Variants in KPNA3 observed in about 807,000 individuals in gnomAD.
KPNA3 encodes importin subunit alpha-4.
KPNA3 carries 13 observed loss-of-function variants against 73.8 expected under a neutral mutation model. The observed-to-expected ratio is 0.18, with a 90% CI of 0.11 to 0.28. KPNA3 has a LOEUF of 0.28. Among genes scored for constraint, KPNA3 ranks in the 10% least tolerant of loss-of-function variants. The pLI, the probability that KPNA3 is intolerant of heterozygous loss-of-function variation, is 1.00. For synonymous variants in KPNA3, 186 were observed against 206.9 expected, an observed-to-expected ratio of 0.90 and a Z score of 0.87; for missense variants, 360 against 618.1, an observed-to-expected ratio of 0.58 and a Z score of 4.43.
intron 2 of KPNA3, among the ~76,000 whole-genome samples, chr13:49,741,077 C>T (rs769672977): frequency 3.9e-5 from 6 of 152,136 alleles, no homozygotes; most frequent in Non-Finnish European, 7.3e-5. Flanking sequence ...TTCCTTATCT[C>T]GGGTATTGTG....
intron 2 of KPNA3, among the ~76,000 whole-genome samples, chr13:49,740,378 C>A (rs542955532): frequency 2.8e-4 from 42 of 152,178 alleles, no homozygotes; most frequent in African/African-American, 1.0e-3. Flanking sequence ...TAGTTCATAA[C>A]CATGTGATAT....
At chr13:49,744,704 C>T (rs1954601866) in intron 2 of KPNA3, among the ~76,000 whole-genome samples, 1 of 152,056 alleles carries the variant, frequency 6.6e-6, no homozygotes, top group Non-Finnish European at 1.5e-5. Context: ...AACTCTTGAC[C>T]TCAGGTGAAT....
At chr13:49,773,850 A>G (rs1815561151) in intron 1 of KPNA3, among the ~76,000 whole-genome samples, 1 of 152,204 alleles carries the variant, frequency 6.6e-6, no homozygotes, top group African/African-American at 2.4e-5. Flanking sequence ...TCACCAAAAG[A>G]AAAAAGAAAG....
Position 49,747,012 on chromosome 13 carries a change from G to C in KPNA3, c.70-19C>G. ...GCATTGTCTAGAAAAGAAAAACAAAGATTACAGATGTATCAAAATACGGAC... is the reference window on the plus strand; with the variant it reads ...GCATTGTCTAGAAAAGAAAAACAAACATTACAGATGTATCAAAATACGGAC... On this transcript the variant is annotated intron_variant, in intron 1 of 16. Transcript: ENST00000261667. 1 of 1,580,748 alleles carries C rather than the reference G, an allele frequency of 6.3e-7. No homozygotes were observed. Among genetic ancestry groups the C allele is most frequent in the Non-Finnish European group, 8.7e-7 (1 of 1,151,912 alleles).
rs1460697236 is a variant in KPNA3 at position 49,792,459 on chromosome 13, C to T, written c.48G>A (p.Lys16=). Residue 16 remains lysine (K), a synonymous_variant, in exon 1 of 17, where the codon AAG becomes AAA. Coordinates refer to ENST00000261667, the MANE Select transcript of KPNA3 (RefSeq NM_002267.4). Reference sequence around the variant, plus strand: ...TCACTTCCACATCGCGGCCCTTGTTCTTGAAGCTCTTGATGCGGTGGTTCT... The same window carrying T: ...TCACTTCCACATCGCGGCCCTTGTTTTTGAAGCTCTTGATGCGGTGGTTCT... The part of the protein sequence containing the change: ...SLENHRIKSF[K]NKGRDVETMR... 1.3e-6 allele frequency: 2 copies of T among 1,582,236 alleles called. No homozygotes were observed. Among genetic ancestry groups the T allele is most frequent in the African/African-American group, 1.4e-5 (1 of 71,100 alleles).
At chr13:49,701,933 A>C in intron 16 of KPNA3, 35 bp from the exon 17 acceptor site, 1 of 1,359,886 alleles carries the variant, frequency 7.4e-7, no homozygotes, top group South Asian at 1.2e-5. Context: ...TTATTAGGTT[A>C]TGATACTATA....
intron 2 of KPNA3, among the ~76,000 whole-genome samples, chr13:49,745,744 A>G (rs1954610975): frequency 2.0e-5 from 3 of 151,916 alleles, no homozygotes; most frequent in South Asian, 2.1e-4. Context: ...AAGATCTGAA[A>G]TAAGTTTTAA....
intron 1 of KPNA3, among the ~76,000 whole-genome samples, chr13:49,759,225 T>C (rs1292420355): frequency 6.6e-6 from 1 of 152,238 alleles, no homozygotes; most frequent in African/African-American, 2.4e-5. Context: ...TTTTGAAAAC[T>C]GATAAAGGAA....
At chr13:49,704,036 A>T (rs1405470140) in intron 15 of KPNA3, among the ~76,000 whole-genome samples, 1 of 152,206 alleles carries the variant, frequency 6.6e-6, no homozygotes, top group Non-Finnish European at 1.5e-5. Flanking sequence ...CTTAATAGTA[A>T]GAAGATCTGG....
intron 1 of KPNA3, among the ~76,000 whole-genome samples, chr13:49,784,786 A>G (rs1003483854): frequency 6.6e-6 from 1 of 152,232 alleles, no homozygotes; most frequent in African/African-American, 2.4e-5. Flanking sequence ...TTATTCAAGG[A>G]ATATTTTAGT....
At chr13:49,716,385 AT>A (rs1449631451) in intron 10 of KPNA3, among the ~76,000 whole-genome samples, 1 of 151,990 alleles carries the variant, frequency 6.6e-6, no homozygotes, top group African/African-American at 2.4e-5. Flanking sequence ...TCTCTGCCTT[AT>A]TTTTTCCCCA....
At chr13:49,709,408 A>AC (rs1394481496) in intron 12 of KPNA3, among the ~76,000 whole-genome samples, 164 bp downstream of exon 12, 1 of 152,042 alleles carries the variant, frequency 6.6e-6, no homozygotes, top group African/African-American at 2.4e-5. Context: ...CAAAAAAAAA[A>AC]AAAAAAAAGT....
intron 1 of KPNA3, among the ~76,000 whole-genome samples, chr13:49,772,496 AT>A (rs1382233942): frequency 6.6e-6 from 1 of 152,176 alleles, no homozygotes; most frequent in Non-Finnish European, 1.5e-5. Flanking sequence ...TTGGAAAAGA[AT>A]TTCAAAGTTT....
chr13:49,715,118 A>G (rs1221815603), intron 10 of KPNA3, among the ~76,000 whole-genome samples: 5 of 152,090 alleles, frequency 3.3e-5, no homozygotes, highest in Middle Eastern at 3.2e-3. Context: ...GAATGTATAG[A>G]TATTTCTCTA....
At chr13:49,754,166 T>TGCA (rs914442543) in intron 1 of KPNA3, among the ~76,000 whole-genome samples, 60 of 152,134 alleles carry the variant, frequency 3.9e-4, no homozygotes, top group African/African-American at 1.4e-3. Flanking sequence ...GTGTGGTGGT[T>TGCA]GCACCTGTAA....
At chr13:49,719,938 T>A in intron 9 of KPNA3, 119 bp from the exon 10 acceptor site, 2 of 641,984 alleles carry the variant, frequency 3.1e-6, no homozygotes, top group Non-Finnish European at 5.3e-6. Context: ...CAATGTTAAA[T>A]TTGTCTGAAT....
At position 49,719,861 on chromosome 13, in the gene KPNA3, A is replaced by G. The variant is rs780387365; in HGVS notation, c.727-42T>C. 4.7e-6 allele frequency: 6 copies of G among 1,281,302 alleles called. No individual in the cohort carries two copies. In the South Asian group the frequency reaches 4.9e-5, roughly 11 times the overall value. The allele number at this position is 1,281,302 out of a possible 1,614,324, so 79.4% of individuals were successfully genotyped here. The stretch of plus-strand genomic sequence containing the variant: ...AACAATACTTAACATTAGTTAATTA[A>G]TATGTCTGTAAAAATGAACAACTTT... On this transcript the variant is annotated intron_variant, in intron 9 of 16. Transcript: ENST00000261667.
chr13:49,718,134 G>A (rs1954322460), intron 10 of KPNA3, among the ~76,000 whole-genome samples: 4 of 152,016 alleles, frequency 2.6e-5, no homozygotes, highest in Admixed American at 1.3e-4. Context: ...TAACTTTACC[G>A]AGTTTCAATC....
intron 1 of KPNA3, among the ~76,000 whole-genome samples, chr13:49,767,598 C>CA (rs985148478): frequency 1.2e-4 from 19 of 152,040 alleles, no homozygotes; most frequent in African/African-American, 4.6e-4. Flanking sequence ...ACTCAAATTG[C>CA]AAAAAAATCT....
Sources: allele counts gnomAD v4.1 joint callset (sites outside exome capture counted in the v4.1 genomes callset), GRCh38; gene constraint gnomAD v4.1.1; transcripts MANE v1.5; gene names NCBI Gene and HGNC (gene_info 2026-07-23, HGNC 2026-07-21).